Variants in EFCAB3 observed in about 807,000 individuals in gnomAD.
EFCAB3 encodes the protein EF-hand calcium binding domain 3.
In EFCAB3, 36 loss-of-function variants were observed where a neutral mutation model predicts 42.2. The ratio of observed to expected loss-of-function variants is 0.85; its 90% CI spans 0.65 to 1.13. The LOEUF (loss-of-function observed/expected upper bound fraction) is 1.13. Among genes scored for constraint, EFCAB3 ranks in the 50% most tolerant of loss-of-function variants. EFCAB3 has a pLI of 0.00. For synonymous variants in EFCAB3, 170 were observed against 172.8 expected (o/e 0.98, Z 0.13); for missense variants, 418 against 505.1 (o/e 0.83, Z 1.65).
chr17:62,370,501 A>G (rs566157826), intron 1 of EFCAB3, among the ~76,000 whole-genome samples: 1 of 152,230 alleles, frequency 6.6e-6, no homozygotes, highest in African/African-American at 2.4e-5. Flanking sequence ...CTAAAACTAC[A>G]AAAAATTAAC....
chr17:62,376,462 T>TA (rs971085196), upstream of EFCAB3, among the ~76,000 whole-genome samples: 3 of 152,144 alleles, frequency 2.0e-5, no homozygotes, highest in Non-Finnish European at 4.4e-5. Context: ...AGACTCTGCC[T>TA]AAAAAAACTT....
intron 7 of EFCAB3, 60 bp from the exon 8 acceptor site, chr17:62,406,968 C>T: frequency 1.3e-6 from 2 of 1,515,122 alleles, no homozygotes; most frequent in South Asian, 2.7e-5. Context: ...ACATGCTGGT[C>T]TTTTATGTGA....
At chr17:62,395,482 A>G (rs1024315670) in intron 6 of EFCAB3, among the ~76,000 whole-genome samples, 3 of 152,178 alleles carry the variant, frequency 2.0e-5, no homozygotes, top group Non-Finnish European at 2.9e-5. Flanking sequence ...AAAGAATTCC[A>G]GCAGAACAAG....
At chr17:62,374,697 C>T (rs2070137347) in intron 2 of EFCAB3, among the ~76,000 whole-genome samples, 2 of 152,312 alleles carry the variant, frequency 1.3e-5, no homozygotes, top group East Asian at 1.9e-4. Flanking sequence ...TTCCCACACA[C>T]GTACAACCTC....
chr17:62,406,445 T>G, intron 6 of EFCAB3, 35 bp from the exon 7 acceptor site: 1 of 1,533,920 alleles, frequency 6.5e-7, no homozygotes, highest in Middle Eastern at 1.7e-4. Flanking sequence ...CTATGTCTCT[T>G]TGTATCCATT....
chr17:62,386,626 G>A (rs1263202545), intron 2 of EFCAB3, among the ~76,000 whole-genome samples: 2 of 152,180 alleles, frequency 1.3e-5, no homozygotes, highest in Non-Finnish European at 2.9e-5. Flanking sequence ...CTAACAACAG[G>A]AATAGTGTAA....
intron 6 of EFCAB3, among the ~76,000 whole-genome samples, chr17:62,395,631 G>T (rs1300627986): frequency 6.6e-6 from 1 of 152,164 alleles, no homozygotes; most frequent in Non-Finnish European, 1.5e-5. Flanking sequence ...ACCTCCGAAA[G>T]TAGCCTTTGG....
In EFCAB3 at chr17:62,394,824, G is replaced by T. The variant is rs190408577; in HGVS notation, c.368-244G>T. Reference sequence around the variant, plus strand: ...AATCATTAACACAAAATTCATGTTTGTGTTAAAAATATTACTATGTTTTCT... The same window carrying T: ...AATCATTAACACAAAATTCATGTTTTTGTTAAAAATATTACTATGTTTTCT... On this transcript the variant is annotated intron_variant, in intron 5 of 9. Coordinates refer to ENST00000305286, the MANE Select transcript of EFCAB3 (RefSeq NM_173503.4). Among the ~76,000 whole-genome samples, 93 of 152,244 alleles carry T rather than the reference G, an allele frequency of 6.1e-4. 1 individual carries two copies. The highest frequency in any genetic ancestry group is 7.1e-4 in the Non-Finnish European group (48 of 68,012).
At chr17:62,398,438 A>G (rs2070371537) in intron 6 of EFCAB3, among the ~76,000 whole-genome samples, 1 of 148,398 alleles carries the variant, frequency 6.7e-6, no homozygotes, top group Admixed American at 6.8e-5. Context: ...TGGACAACAG[A>G]GTGAGACTTA....
At chr17:62,373,892 A>G (rs929178708) in intron 2 of EFCAB3, 48 of 1,220,846 alleles carry the variant, frequency 3.9e-5, no homozygotes, top group Non-Finnish European at 5.3e-5. Flanking sequence ...ATTATACAAT[A>G]TAAAATTATA....
intron 6 of EFCAB3, among the ~76,000 whole-genome samples, chr17:62,398,476 T>G (rs2070372329): frequency 7.4e-6 from 1 of 135,786 alleles, no homozygotes; most frequent in Non-Finnish European, 1.6e-5. Flanking sequence ...AAAAAAAAAC[T>G]GTAGTGATAA....
chr17:62,409,657 AT>A (rs568814124), intron 8 of EFCAB3, among the ~76,000 whole-genome samples: 4 of 150,478 alleles, frequency 2.7e-5, no homozygotes, highest in East Asian at 3.9e-4. Flanking sequence ...CCCTTTCCTG[AT>A]TTTTTTCATA....
At chr17:62,406,750 C>T in intron 7 of EFCAB3, 77 bp downstream of exon 7, 2 of 1,486,032 alleles carry the variant, frequency 1.3e-6, no homozygotes, top group Non-Finnish European at 1.8e-6. Context: ...AGTACTAGAG[C>T]CCAAATGGCA....
chr17:62,377,908 A>C, upstream of EFCAB3: 1 of 1,344,390 alleles, frequency 7.4e-7, no homozygotes, highest in Non-Finnish European at 1.0e-6. Context: ...ATGCCCTCCT[A>C]GTCTACTTTC....
upstream of EFCAB3, chr17:62,378,090 CTTAG>C (rs1328564586): frequency 1.8e-5 from 22 of 1,249,720 alleles, no homozygotes; most frequent in Non-Finnish European, 2.5e-5. Context: ...TTTTTAATAC[CTTAG>C]TTACTTTCCC....
intron 3 of EFCAB3, 36 bp from the exon 4 acceptor site, chr17:62,391,786 A>T: frequency 6.2e-7 from 1 of 1,605,894 alleles, no homozygotes; most frequent in Non-Finnish European, 8.5e-7. Context: ...TTCTTCTTGA[A>T]CAACTGTCCT....
At chr17:62,410,123 C>T (rs546093528) in intron 8 of EFCAB3, among the ~76,000 whole-genome samples, 24 of 152,220 alleles carry the variant, frequency 1.6e-4, no homozygotes, top group East Asian at 3.9e-4. Context: ...CGCTTGAACC[C>T]GGGAGGCAGA....
In EFCAB3 at chr17:62,385,868, C is replaced by T. The variant is rs57740927; in HGVS notation, c.75-1472C>T. ...CGAAGTAGCTGGGACTACAGGCGCC[C>T]GCCACCATGCCCGGCTAATTTTTTT... is the stretch of plus-strand genomic sequence containing the variant. On this transcript the variant is annotated intron_variant, in intron 2 of 9. Transcript: ENST00000305286. Among the ~76,000 whole-genome samples the T allele has an allele frequency of 8.6e-3, 1,290 of 150,612 alleles. 16 individuals carry two copies. Among genetic ancestry groups the T allele is most frequent in the African/African-American group, 0.03 (1,239 of 41,098 alleles).
intron 3 of EFCAB3, among the ~76,000 whole-genome samples, chr17:62,390,820 G>T (rs181785713): frequency 3.9e-5 from 6 of 152,158 alleles, no homozygotes; most frequent in African/African-American, 1.4e-4. Flanking sequence ...ACATAGAGAC[G>T]CTGAGACTTG....
Sources: gnomAD v4.1 joint callset for allele counts (sites outside exome capture counted in the v4.1 genomes callset) on GRCh38, gnomAD v4.1.1 for gene constraint, MANE v1.5 for transcripts, NCBI Gene and HGNC (gene_info 2026-07-23, HGNC 2026-07-21) for gene names.